NSMCE2: variants seen among roughly 807,000 people sequenced by gnomAD.
The protein encoded by NSMCE2 is NSE2 SUMO ligase component of SMC5/6 complex.
In NSMCE2, 24 loss-of-function variants were observed where a neutral mutation model predicts 23.8. The observed-to-expected ratio is 1.01, with a 90% CI of 0.73 to 1.42. The LOEUF (loss-of-function observed/expected upper bound fraction) is 1.42, where lower values mean the gene tolerates loss of function less well. Ranked by LOEUF, NSMCE2 falls within the 40% of genes most tolerant of loss-of-function variation. The pLI, the probability that NSMCE2 is intolerant of heterozygous loss-of-function variation, is 0.00. For synonymous variants in NSMCE2, 92 were observed against 94.1 expected, an observed-to-expected ratio of 0.98 and a Z score of 0.13; for missense variants, 284 against 296.5, an observed-to-expected ratio of 0.96 and a Z score of 0.31.
At chr8:125,253,253 C>G (rs963213213) in intron 5 of NSMCE2, among the ~76,000 whole-genome samples, 4 of 152,166 alleles carry the variant, frequency 2.6e-5, no homozygotes, top group African/African-American at 9.7e-5. Context: ...GTGGTATTTG[C>G]TAGAGAATTT....
intron 5 of NSMCE2, among the ~76,000 whole-genome samples, chr8:125,306,712 A>G (rs538569144): frequency 6.6e-6 from 1 of 152,144 alleles, no homozygotes; most frequent in Non-Finnish European, 1.5e-5. Flanking sequence ...CTTGATATCC[A>G]GTCTTCATTT....
At chr8:125,238,103 A>C (rs150547637) in intron 5 of NSMCE2, among the ~76,000 whole-genome samples, 1 of 152,114 alleles carries the variant, frequency 6.6e-6, no homozygotes, top group Non-Finnish European at 1.5e-5. Flanking sequence ...TCATCTCACT[A>C]TCAGCATTGA....
intron 5 of NSMCE2, among the ~76,000 whole-genome samples, chr8:125,227,421 C>G (rs1177388102): frequency 6.6e-6 from 1 of 152,166 alleles, no homozygotes; most frequent in Admixed American, 6.5e-5. Flanking sequence ...AGGGCCTTCC[C>G]CTCCAGAGCC....
chr8:125,207,378 A>C (rs1470993574), intron 5 of NSMCE2, among the ~76,000 whole-genome samples: 1 of 152,194 alleles, frequency 6.6e-6, no homozygotes, highest in African/African-American at 2.4e-5. Flanking sequence ...TTATTAGATA[A>C]TATTTTAAAA....
At chr8:125,163,469 A>G (rs113615853) in intron 4 of NSMCE2, among the ~76,000 whole-genome samples, 4 of 152,238 alleles carry the variant, frequency 2.6e-5, no homozygotes, top group Non-Finnish European at 5.9e-5. Flanking sequence ...ATGTTCTACC[A>G]GGCTGTGACC....
chr8:125,223,830 G>C (rs1245505856), intron 5 of NSMCE2, among the ~76,000 whole-genome samples: 1 of 35,626 alleles, frequency 2.8e-5, no homozygotes, highest in Non-Finnish European at 4.9e-5. Flanking sequence ...TTTTTTTTTT[G>C]AGTCAGGGTC....
At position 125,322,864 on chromosome 8, in the gene NSMCE2, A is replaced by C. The variant is rs187469440; in HGVS notation, c.419-34355A>C. On this transcript the variant is annotated intron_variant, in intron 5 of 7. Transcript: ENST00000287437. ...TTTATGATATCATCAAAAATATGAAATACTGCCAACATGGCAAAACCCCAT... is the reference window on the plus strand; with the variant it reads ...TTTATGATATCATCAAAAATATGAACTACTGCCAACATGGCAAAACCCCAT... 7.2e-5 allele frequency among the ~76,000 whole-genome samples: 11 copies of C among 152,350 alleles called. No individual in the cohort carries two copies. In the East Asian group the frequency reaches 2.1e-3, roughly 29 times the overall value.
intron 4 of NSMCE2, among the ~76,000 whole-genome samples, chr8:125,181,569 G>C (rs1189496107): frequency 6.6e-6 from 1 of 152,146 alleles, no homozygotes; most frequent in Non-Finnish European, 1.5e-5. Context: ...AACATGGGTT[G>C]AGAATTTAGC....
chr8:125,149,837 G>A (rs1263136255), intron 3 of NSMCE2, among the ~76,000 whole-genome samples: 2 of 152,158 alleles, frequency 1.3e-5, no homozygotes, highest in African/African-American at 2.4e-5. Context: ...TTATAGGTAT[G>A]TAAGGTTTTT....
At chr8:125,200,617 C>T (rs967457629) in intron 5 of NSMCE2, among the ~76,000 whole-genome samples, 2 of 152,134 alleles carry the variant, frequency 1.3e-5, no homozygotes, top group Non-Finnish European at 2.9e-5. Flanking sequence ...TTTTTTCCTC[C>T]GTTTCAACCT....
chr8:125,235,127 G>A (rs1586650909), intron 5 of NSMCE2, among the ~76,000 whole-genome samples: 2 of 152,130 alleles, frequency 1.3e-5, no homozygotes, highest in Admixed American at 1.3e-4. Flanking sequence ...TGTAATCCCA[G>A]CTACTCGGGA....
At chr8:125,152,543 G>A (rs1386641975) in intron 4 of NSMCE2, among the ~76,000 whole-genome samples, 1 of 152,208 alleles carries the variant, frequency 6.6e-6, no homozygotes, top group East Asian at 1.9e-4. Flanking sequence ...AAAGATTAGA[G>A]TTAGGCTTGT....
intron 5 of NSMCE2, among the ~76,000 whole-genome samples, chr8:125,293,196 G>C (rs567864916): frequency 1.3e-5 from 2 of 152,230 alleles, no homozygotes; most frequent in South Asian, 4.1e-4. Context: ...ACTCATGTCC[G>C]GGAAATAGGA....
intron 5 of NSMCE2, among the ~76,000 whole-genome samples, chr8:125,337,544 CAT>C: frequency 1.3e-5 from 2 of 152,278 alleles, no homozygotes; most frequent in Middle Eastern, 3.4e-3. Context: ...ATTTCTGTAA[CAT>C]AAGGTAGAAT....
chr8:125,153,056 C>CAAAAAAAA (rs768246218), intron 4 of NSMCE2, among the ~76,000 whole-genome samples: 5 of 47,454 alleles, frequency 1.1e-4, no homozygotes, highest in African/African-American at 2.3e-4. Flanking sequence ...GACTCCGTCT[C>CAAAAAAAA]AAAAAAAAAA....
intron 5 of NSMCE2, among the ~76,000 whole-genome samples, chr8:125,346,755 C>T (rs1043905984): frequency 1.3e-5 from 2 of 152,102 alleles, no homozygotes; most frequent in African/African-American, 2.4e-5. Context: ...TCTTAACTGA[C>T]GATTTTTGTC....
At chr8:125,242,905 C>T (rs1007371399) in intron 5 of NSMCE2, among the ~76,000 whole-genome samples, 2 of 152,164 alleles carry the variant, frequency 1.3e-5, no homozygotes, top group Admixed American at 1.3e-4. Flanking sequence ...AGAGGAGAGT[C>T]ATCTTTAAGC....
At chr8:125,259,355 C>A (rs1396183749) in intron 5 of NSMCE2, among the ~76,000 whole-genome samples, 1 of 152,184 alleles carries the variant, frequency 6.6e-6, no homozygotes, top group East Asian at 1.9e-4. Flanking sequence ...CACAAGCGAG[C>A]ATTACCACCT....
intron 5 of NSMCE2, among the ~76,000 whole-genome samples, chr8:125,233,283 G>C (rs537713670): frequency 6.6e-6 from 1 of 152,258 alleles, no homozygotes; most frequent in East Asian, 1.9e-4. Flanking sequence ...TAGAAGAAAA[G>C]AATTTTTAAA....
Sources: gnomAD v4.1 joint callset for allele counts (sites outside exome capture counted in the v4.1 genomes callset) on GRCh38, gnomAD v4.1.1 for gene constraint, MANE v1.5 for transcripts, NCBI Gene and HGNC (gene_info 2026-07-23, HGNC 2026-07-21) for gene names.